DPP6: variants seen among roughly 807,000 people sequenced by gnomAD.
DPP6 encodes A-type potassium channel modulatory protein DPP6.
A neutral mutation model predicts 122.6 loss-of-function variants in DPP6; 69 were observed. That is an observed-to-expected ratio of 0.56 (90% CI 0.46 to 0.69). DPP6 has a LOEUF of 0.69. Ranked by LOEUF, DPP6 falls within the 30% of genes least tolerant of loss-of-function variation. The pLI is 0.00. For missense variants in DPP6, 928 were observed against 1,116.9 expected (o/e 0.83, Z 2.41); for synonymous variants, 418 against 433.1 (o/e 0.97, Z 0.43).
intron 1 of DPP6, among the ~76,000 whole-genome samples, chr7:153,988,651 G>C (rs1345033003): frequency 6.6e-6 from 1 of 152,208 alleles, no homozygotes; most frequent in Non-Finnish European, 1.5e-5. Flanking sequence ...CCGGAGAAAG[G>C]GGTGCTCCAA....
intron 1 of DPP6, among the ~76,000 whole-genome samples, chr7:154,288,346 C>T (rs546249928): frequency 1.8e-4 from 28 of 152,322 alleles, no homozygotes; most frequent in African/African-American, 6.7e-4. Context: ...GTGGGAGAGA[C>T]AGAGTCCACT....
At chr7:154,828,966 T>C (rs1800407736) in intron 16 of DPP6, among the ~76,000 whole-genome samples, 1 of 152,242 alleles carries the variant, frequency 6.6e-6, no homozygotes, top group South Asian at 2.1e-4. Context: ...CTCGTACCTT[T>C]GTAAGTCATG....
chr7:154,824,332 T>G (rs1370129729), intron 16 of DPP6, among the ~76,000 whole-genome samples: 1 of 152,236 alleles, frequency 6.6e-6, no homozygotes, highest in Non-Finnish European at 1.5e-5. Context: ...TAGGCTGGAG[T>G]GCAGTGGCGA....
At position 154,036,753 on chromosome 7, in the gene DPP6, C is replaced by T. The variant is rs546982536; in HGVS notation, c.51+149019C>T. Among the ~76,000 whole-genome samples the T allele has an allele frequency of 1.8e-3, 272 of 152,036 alleles. 3 individuals are homozygous for T. Among genetic ancestry groups the T allele is most frequent in the African/African-American group, 6.2e-3 (258 of 41,472 alleles). Reference sequence around the variant, plus strand: ...CAAGCAAAACTGCCGCTTTGGTAGTCACTTGCCATACTTCAGTGTCCATGG... The same window carrying T: ...CAAGCAAAACTGCCGCTTTGGTAGTTACTTGCCATACTTCAGTGTCCATGG... On this transcript the variant is annotated intron_variant, in intron 1 of 25. Coordinates refer to the DPP6 transcript ENST00000404039.
At chr7:154,437,396 G>A (rs1818963602) in intron 1 of DPP6, among the ~76,000 whole-genome samples, 1 of 152,174 alleles carries the variant, frequency 6.6e-6, no homozygotes, top group Admixed American at 6.5e-5. Context: ...TGAGACCCGT[G>A]AACATTCTGC....
At chr7:154,042,267 A>C (rs1265042415) in intron 1 of DPP6, among the ~76,000 whole-genome samples, 1 of 152,136 alleles carries the variant, frequency 6.6e-6, no homozygotes, top group Admixed American at 6.5e-5. Context: ...GGACACCCTT[A>C]ACTTGTGGAT....
At chr7:154,416,151 C>G (rs925529692) in intron 1 of DPP6, among the ~76,000 whole-genome samples, 15 of 152,168 alleles carry the variant, frequency 9.9e-5, no homozygotes, top group African/African-American at 3.6e-4. Flanking sequence ...CCATCCTGCT[C>G]CGTCCTGTTC....
the DPP6 span, among the ~76,000 whole-genome samples, chr7:153,823,815 A>C: frequency 6.6e-6 from 1 of 152,108 alleles, no homozygotes; most frequent in Non-Finnish European, 1.5e-5. Flanking sequence ...CTAAAGAGTG[A>C]GAAATAATTA....
chr7:154,226,298 A>T (rs1191738398), intron 1 of DPP6, among the ~76,000 whole-genome samples: 1 of 148,304 alleles, frequency 6.7e-6, no homozygotes, highest in Non-Finnish European at 1.5e-5. Context: ...GATAGGTTCG[A>T]TCTGGACAAT....
intron 1 of DPP6, among the ~76,000 whole-genome samples, chr7:154,398,113 T>A (rs1358156320): frequency 6.6e-6 from 1 of 151,878 alleles, no homozygotes; most frequent in African/African-American, 2.4e-5. Context: ...TGCGTCAGGG[T>A]GTGAGGTTGA....
chr7:153,903,947 T>C (rs1799742026), intron 1 of DPP6, among the ~76,000 whole-genome samples: 1 of 152,284 alleles, frequency 6.6e-6, no homozygotes, highest in South Asian at 2.1e-4. Context: ...CTGTCAATCA[T>C]CCTATGTGTG....
intron 1 of DPP6, among the ~76,000 whole-genome samples, chr7:154,104,487 A>G (rs1402887929): frequency 6.6e-6 from 1 of 152,182 alleles, no homozygotes; most frequent in South Asian, 2.1e-4. Flanking sequence ...AGGTGTTTTC[A>G]TGATTAACAA....
At chr7:154,879,014 CCT>C (rs1563315648) in intron 20 of DPP6, among the ~76,000 whole-genome samples, 1 of 152,214 alleles carries the variant, frequency 6.6e-6, no homozygotes, top group African/African-American at 2.4e-5. Context: ...TGCCTCTGCC[CCT>C]GTTTGCCAGA....
chr7:154,549,789 C>T (rs1483683378), intron 4 of DPP6, among the ~76,000 whole-genome samples: 2 of 152,126 alleles, frequency 1.3e-5, no homozygotes, highest in African/African-American at 4.8e-5. Context: ...TAGATCATGA[C>T]ACGAGGTTAC....
intron 1 of DPP6, among the ~76,000 whole-genome samples, chr7:153,945,136 T>C (rs899542382): frequency 6.6e-6 from 1 of 152,194 alleles, no homozygotes; most frequent in Non-Finnish European, 1.5e-5. Flanking sequence ...AAATGAGTTT[T>C]GACCCTGCTG....
upstream of DPP6, among the ~76,000 whole-genome samples, chr7:153,885,945 T>C (rs1006187243): frequency 6.6e-6 from 1 of 152,238 alleles, no homozygotes; most frequent in Admixed American, 6.5e-5. Flanking sequence ...GTAATTACAG[T>C]TGCAATTACT....
intron 4 of DPP6, among the ~76,000 whole-genome samples, chr7:154,542,142 T>C (rs1250875269): frequency 6.6e-5 from 10 of 152,330 alleles, no homozygotes; most frequent in Non-Finnish European, 4.4e-5. Context: ...AAGGGAGGCC[T>C]CACGCTGTTG....
the DPP6 span, among the ~76,000 whole-genome samples, chr7:153,822,221 G>T: frequency 1.3e-4 from 15 of 113,948 alleles, no homozygotes; most frequent in African/African-American, 5.2e-4. Flanking sequence ...ATGGAGTCTC[G>T]CACTGTCCCC....
chr7:154,676,070 G>A (rs1394189779), intron 7 of DPP6, among the ~76,000 whole-genome samples: 2 of 152,206 alleles, frequency 1.3e-5, no homozygotes, highest in Admixed American at 6.5e-5. Flanking sequence ...CTGTCTGGAG[G>A]TCCAGCTGTC....
Sources: gnomAD v4.1 joint callset for allele counts (sites outside exome capture counted in the v4.1 genomes callset) on GRCh38, gnomAD v4.1.1 for gene constraint, MANE v1.5 for transcripts, NCBI Gene and HGNC (gene_info 2026-07-23, HGNC 2026-07-21) for gene names.